The following RORA variants were observed in gnomAD, a reference collection of about 807,000 sequenced individuals.
RORA encodes nuclear receptor ROR-alpha.
A neutral mutation model predicts 69.5 loss-of-function variants in RORA; 7 were observed. The observed-to-expected ratio is 0.10, with a 90% CI of 0.06 to 0.19. The LOEUF (loss-of-function observed/expected upper bound fraction) is 0.19. Among genes scored for constraint, RORA ranks in the 10% least tolerant of loss-of-function variants. The pLI, the probability that RORA is intolerant of heterozygous loss-of-function variation, is 1.00. For synonymous variants in RORA, 261 were observed against 240.8 expected (o/e 1.08, Z -0.78); for missense variants, 457 against 663.0 (o/e 0.69, Z 3.41).
intron 1 of RORA, among the ~76,000 whole-genome samples, chr15:60,683,261 A>G (rs1363191618): frequency 2.6e-5 from 4 of 152,150 alleles, no homozygotes; most frequent in African/African-American, 9.7e-5. Context: ...ATCCTCCTGC[A>G]TCAGCCTCTC....
At chr15:60,820,394 C>T (rs1264993910) in intron 1 of RORA, among the ~76,000 whole-genome samples, 1 of 152,116 alleles carries the variant, frequency 6.6e-6, no homozygotes, top group Non-Finnish European at 1.5e-5. Flanking sequence ...GGAAAATCCC[C>T]CTCACCCTAG....
chr15:61,084,161 C>T (rs1294612504), intron 1 of RORA, among the ~76,000 whole-genome samples: 1 of 152,144 alleles, frequency 6.6e-6, no homozygotes, highest in Non-Finnish European at 1.5e-5. Context: ...AATTTTCTGT[C>T]AAGCCTCTCA....
intron 5 of RORA, among the ~76,000 whole-genome samples, chr15:60,509,685 A>T (rs936764514): frequency 6.6e-6 from 1 of 152,150 alleles, no homozygotes; most frequent in African/African-American, 2.4e-5. Context: ...TCAGCTTTCA[A>T]TCAAATCCTT....
At chr15:60,672,184 C>A (rs118135883) in intron 2 of RORA, among the ~76,000 whole-genome samples, 1 of 152,066 alleles carries the variant, frequency 6.6e-6, no homozygotes, top group East Asian at 1.9e-4. Flanking sequence ...CCCTTTCTTA[C>A]AATCAGTTTG....
intron 1 of RORA, among the ~76,000 whole-genome samples, chr15:60,727,919 T>C (rs540738996): frequency 1.3e-5 from 2 of 152,284 alleles, no homozygotes; most frequent in South Asian, 4.1e-4. Context: ...CTCCTGGACC[T>C]GGCTTCACCT....
intron 1 of RORA, among the ~76,000 whole-genome samples, chr15:61,026,859 C>G (rs1346891051): frequency 6.6e-6 from 1 of 152,104 alleles, no homozygotes; most frequent in African/African-American, 2.4e-5. Context: ...CCTTTAACAC[C>G]TTATGGGAGA....
intron 2 of RORA, among the ~76,000 whole-genome samples, chr15:60,654,146 G>A (rs1173396378): frequency 6.6e-6 from 1 of 152,148 alleles, no homozygotes; most frequent in African/African-American, 2.4e-5. Context: ...ACCGGCTAAG[G>A]ACAGAGAAGT....
intron 2 of RORA, among the ~76,000 whole-genome samples, chr15:60,561,056 GTTT>G (rs59042428): frequency 1.7e-5 from 2 of 119,732 alleles, no homozygotes; most frequent in African/African-American, 6.7e-5. Flanking sequence ...TTTAACTTGT[GTTT>G]TTTTTTTTTT....
At chr15:60,947,082 C>A (rs1892911013) in intron 1 of RORA, among the ~76,000 whole-genome samples, 1 of 148,378 alleles carries the variant, frequency 6.7e-6, no homozygotes, top group Non-Finnish European at 1.5e-5. Flanking sequence ...AGCCCCCGAC[C>A]GGCCAGCCGC....
intron 1 of RORA, among the ~76,000 whole-genome samples, chr15:61,027,619 G>A (rs28695544): frequency 0.068 from 10,399 of 152,144 alleles, 383 homozygotes; most frequent in East Asian, 0.15. Context: ...CACGTCCTCT[G>A]CTCTGTTACA....
intron 1 of RORA, among the ~76,000 whole-genome samples, chr15:60,920,618 CATA>C (rs1486096871): frequency 1.3e-5 from 2 of 152,184 alleles, no homozygotes; most frequent in Non-Finnish European, 2.9e-5. Flanking sequence ...GAGAAGCCTA[CATA>C]CCATGGGTTC....
chr15:60,658,079 CTTTT>C (rs11420132), intron 2 of RORA, among the ~76,000 whole-genome samples: 1 of 150,852 alleles, frequency 6.6e-6, no homozygotes. Flanking sequence ...ATTTTTCTTT[CTTTT>C]TTTCTTTTTT....
intron 1 of RORA, among the ~76,000 whole-genome samples, chr15:60,756,562 T>C (rs1174712126): frequency 6.6e-6 from 1 of 152,196 alleles, no homozygotes; most frequent in East Asian, 1.9e-4. Context: ...AAAATCAATG[T>C]TAATAATGGA....
At chr15:60,977,046 C>A (rs2414687) in intron 1 of RORA, among the ~76,000 whole-genome samples, 39,129 of 148,620 alleles carry the variant, frequency 0.26, 5,459 homozygotes, top group African/African-American at 0.33. Context: ...TGCTGAAAAG[C>A]GTCTTGTTTG....
At chr15:61,124,732 C>T (rs924977367) in intron 1 of RORA, among the ~76,000 whole-genome samples, 1 of 152,216 alleles carries the variant, frequency 6.6e-6, no homozygotes, top group African/African-American at 2.4e-5. Flanking sequence ...AACCCAGGCT[C>T]TGTTACTAAG....
rs562365099 is a variant in RORA at position 61,093,187 on chromosome 15, C to T, written c.166+135866G>A. On this transcript the variant is annotated intron_variant, in intron 1 of 10. Coordinates refer to ENST00000335670, the MANE Select transcript of RORA (RefSeq NM_134261.3). ...TTTATTCCACAAAGAGATAAGGAAA[C>T]AAAAAAAGGTAATATTCTTCCATCT... Among the ~76,000 whole-genome samples, 7 of 151,762 alleles carry T rather than the reference C, an allele frequency of 4.6e-5. No homozygotes were observed. The South Asian group carries it at 1.2e-3, about 27-fold the overall frequency.
chr15:61,082,685 A>G (rs1386228239), intron 1 of RORA, among the ~76,000 whole-genome samples: 2 of 152,196 alleles, frequency 1.3e-5, no homozygotes, highest in East Asian at 3.9e-4. Flanking sequence ...TTGGGACTGA[A>G]GGAGAAAGGC....
At chr15:60,946,490 C>T (rs1167111440) in intron 1 of RORA, among the ~76,000 whole-genome samples, 1 of 152,240 alleles carries the variant, frequency 6.6e-6, no homozygotes, top group Non-Finnish European at 1.5e-5. Context: ...GGCTGGTCTC[C>T]AGCTCCTAAC....
chr15:60,802,564 T>C (rs1381633530), intron 1 of RORA, among the ~76,000 whole-genome samples: 1 of 152,106 alleles, frequency 6.6e-6, no homozygotes, highest in Non-Finnish European at 1.5e-5. Flanking sequence ...TTTTAAGGCA[T>C]AATGTGTGTG....
Sources: gnomAD v4.1 joint callset for allele counts (sites outside exome capture counted in the v4.1 genomes callset) on GRCh38, gnomAD v4.1.1 for gene constraint, MANE v1.5 for transcripts, NCBI Gene and HGNC (gene_info 2026-07-23, HGNC 2026-07-21) for gene names.